NQO1: variants seen among roughly 807,000 people sequenced by gnomAD.
The protein encoded by NQO1 is NAD(P)H dehydrogenase [quinone] 1.
NQO1 carries 30 observed loss-of-function variants against 32.1 expected under a neutral mutation model. That is an observed-to-expected ratio of 0.94 (90% CI 0.70 to 1.27). The LOEUF (loss-of-function observed/expected upper bound fraction) is 1.27, where lower values mean the gene tolerates loss of function less well. Ranked by LOEUF, NQO1 falls within the 50% of genes most tolerant of loss-of-function variation. NQO1 has a pLI of 0.00. For missense variants in NQO1, 276 were observed against 331.3 expected, an observed-to-expected ratio of 0.83 and a Z score of 1.30; for synonymous variants, 109 against 119.7, an observed-to-expected ratio of 0.91 and a Z score of 0.59.
Position 69,709,850 on chromosome 16 carries a change from A to G in NQO1, c.*1126T>C, listed in dbSNP as rs1567628446. ...CCCCAAGGTCATGGGACTGGACCCCATCCCATAGTAAGTCATCAGTTTAGC... is the reference window on the plus strand; with the variant it reads ...CCCCAAGGTCATGGGACTGGACCCCGTCCCATAGTAAGTCATCAGTTTAGC... On this transcript the variant is annotated 3_prime_UTR_variant, in exon 6 of 6. Coordinates refer to ENST00000320623, the MANE Select transcript of NQO1 (RefSeq NM_000903.3). The G allele has an allele frequency of 1.3e-5, 5 of 398,498 alleles. No individual in the cohort carries two copies. The highest frequency in any genetic ancestry group is 2.1e-5 in the African/African-American group (1 of 48,636). 24.7% of individuals were successfully genotyped at this position (398,498 alleles called of 1,614,324 possible). A position where few individuals can be genotyped will look rare whatever the true frequency, so the allele number is the denominator to read the frequency against.
At chr16:69,723,030 CCA>C (rs2038213889) in intron 1 of NQO1, among the ~76,000 whole-genome samples, 1 of 152,138 alleles carries the variant, frequency 6.6e-6, no homozygotes, top group South Asian at 2.1e-4. Flanking sequence ...CAGGTTCACG[CCA>C]TTCTCCTGCC....
intron 1 of NQO1, among the ~76,000 whole-genome samples, chr16:69,724,753 A>C (rs1433599005): frequency 6.6e-6 from 1 of 152,152 alleles, no homozygotes; most frequent in African/African-American, 2.4e-5. Context: ...AGTTTCATGC[A>C]TTCTCCTTCT....
At chr16:69,721,679 G>A (rs2038193015) in intron 1 of NQO1, among the ~76,000 whole-genome samples, 2 of 151,860 alleles carry the variant, frequency 1.3e-5, no homozygotes, top group Admixed American at 1.3e-4. Flanking sequence ...TCATTAAGTG[G>A]TGAAGCTGGA....
Position 69,713,033 on chromosome 16 carries a change from T to C in NQO1, c.514A>G (p.Ile172Val), listed in dbSNP as rs150611603. ...HGDMNVILWP[I>V]QSGILHFCGF... ...AAGAAAAGAAAATGAGGTACCTGAATTGGCCAGAGAATGACATTCATGTCC... is the reference window on the plus strand; with the variant it reads ...AAGAAAAGAAAATGAGGTACCTGAACTGGCCAGAGAATGACATTCATGTCC... The change falls in exon 5 of 6, where the codon ATT becomes GTT. Residue 172 changes from isoleucine (I) to valine (V), a missense_variant. Ile to Val is a conservative substitution (Grantham distance 29). Coordinates refer to ENST00000320623, the MANE Select transcript of NQO1 (RefSeq NM_000903.3). The C allele has an allele frequency of 9.9e-6, 16 of 1,612,690 alleles. No individual in the cohort carries two copies. The African/African-American group carries it at 2.1e-4, about 22-fold the overall frequency.
rs779736691 is a variant in NQO1 at position 69,711,141 on chromosome 16, T to A, written c.660A>T (p.Pro220=). The change falls in exon 6 of 6, where the codon CCA becomes CCT. Residue 220 remains proline, a synonymous_variant. Transcript: ENST00000320623. ...AGAGGCTGCTTGGAGCAAAATACAG[T>A]GGTGTCTCATCCCAAATATTCTCCA... ...KRLENIWDET[P]LYFAPSSLFD... is the part of the protein sequence containing the mutation. 6.2e-7 allele frequency: 1 copy of A among 1,614,168 alleles called. No homozygotes were observed. Among genetic ancestry groups the A allele is most frequent in the Non-Finnish European group, 8.5e-7 (1 of 1,180,014 alleles).
At chr16:69,716,720 C>A (rs1050782736) in intron 3 of NQO1, among the ~76,000 whole-genome samples, 2 of 151,146 alleles carry the variant, frequency 1.3e-5, no homozygotes, top group Non-Finnish European at 3.0e-5. Context: ...GAGGTCCAGG[C>A]AGGCAGATCA....
At chr16:69,719,075 G>A (rs1032869706) in intron 1 of NQO1, among the ~76,000 whole-genome samples, 1 of 149,778 alleles carries the variant, frequency 6.7e-6, no homozygotes, top group African/African-American at 2.4e-5. Context: ...GTCAGGAAAA[G>A]CAAAATTAAA....
rs148363745 is a variant in NQO1 at position 69,709,540 on chromosome 16, G to A, written c.*1436C>T. 22 of 383,100 alleles carry A rather than the reference G, an allele frequency of 5.7e-5. No individual in the cohort carries two copies. In the East Asian group the frequency reaches 7.8e-4, roughly 14 times the overall value. 23.7% of individuals were successfully genotyped at this position (383,100 alleles called of 1,614,324 possible). ...TCAGCTATTGTGGATACTGTCGAGA[G>A]CAAAAACCACCAGTGCCAGTCAGCA... is the stretch of plus-strand genomic sequence containing the variant. On this transcript the variant is annotated 3_prime_UTR_variant, in exon 6 of 6. Coordinates refer to ENST00000320623, the MANE Select transcript of NQO1 (RefSeq NM_000903.3).
chr16:69,718,960 G>A (rs1351961856), intron 1 of NQO1, among the ~76,000 whole-genome samples: 2 of 151,842 alleles, frequency 1.3e-5, no homozygotes, highest in Admixed American at 6.6e-5. Flanking sequence ...ACTTGAACTC[G>A]GGAGGGGGAG....
At chr16:69,718,007 T>A in intron 3 of NQO1, 116 bp downstream of exon 3, 2 of 1,364,500 alleles carry the variant, frequency 1.5e-6, no homozygotes, top group Non-Finnish European at 2.0e-6. Flanking sequence ...TCACCCTTAT[T>A]TGCAGAGAAT....
intron 1 of NQO1, among the ~76,000 whole-genome samples, chr16:69,719,541 T>G (rs2038162189): frequency 6.6e-6 from 1 of 151,916 alleles, no homozygotes; most frequent in Non-Finnish European, 1.5e-5. Flanking sequence ...TTTGGGAGGC[T>G]GAGGCGGGCA....
intron 1 of NQO1, among the ~76,000 whole-genome samples, chr16:69,720,475 A>G (rs996899135): frequency 6.6e-6 from 1 of 151,986 alleles, no homozygotes; most frequent in African/African-American, 2.4e-5. Flanking sequence ...AATGACATAT[A>G]TTTGTATGTA....
In NQO1 at chr16:69,709,832, G is replaced by A. The variant is rs573566026; in HGVS notation, c.*1144C>T. The A allele has an allele frequency of 1.8e-5, 7 of 398,518 alleles. No homozygotes were observed. Among genetic ancestry groups the A allele is most frequent in the African/African-American group, 1.4e-4 (7 of 48,710 alleles). The allele number at this position is 398,518 out of a possible 1,614,324, so 24.7% of individuals were successfully genotyped here. On this transcript the variant is annotated 3_prime_UTR_variant, in exon 6 of 6. Coordinates refer to ENST00000320623, the MANE Select transcript of NQO1 (RefSeq NM_000903.3). Reference sequence around the variant, plus strand: ...TCTAGGTTTACAATTGTACCCCAAGGTCATGGGACTGGACCCCATCCCATA... The same window carrying A: ...TCTAGGTTTACAATTGTACCCCAAGATCATGGGACTGGACCCCATCCCATA...
rs2038144208 is a variant in NQO1 at position 69,718,399 on chromosome 16, T to C, written c.143A>G (p.Asn48Ser). 5 of 1,614,070 alleles carry C rather than the reference T, an allele frequency of 3.1e-6. No homozygotes were observed. The highest frequency in any genetic ancestry group is 2.7e-5 in the African/African-American group (2 of 74,930). ...GATGTCCTTTCTGGAAATGATGGGA[T>C]TGAAGTTCATGGCATAGAGGTCCGA... ...VESDLYAMNF[N>S]PIISRKDITG... The change falls in exon 2 of 6, where the codon AAT (asparagine) becomes AGT (serine). Residue 48 changes from asparagine to serine, a missense_variant. By Grantham distance (46) the Asn-to-Ser change is conservative (BLOSUM62 1). Transcript: ENST00000320623.
At chr16:69,722,896 T>C (rs999340920) in intron 1 of NQO1, among the ~76,000 whole-genome samples, 2 of 152,188 alleles carry the variant, frequency 1.3e-5, no homozygotes, top group Non-Finnish European at 1.5e-5. Flanking sequence ...ATTAGTCTTA[T>C]CAATGTTTAC....
At chr16:69,713,256 T>C (rs2038065044) in intron 4 of NQO1, 127 bp from the exon 5 acceptor site, 1 of 718,594 alleles carries the variant, frequency 1.4e-6, no homozygotes. Flanking sequence ...TATTACTTCA[T>C]ACTTTGGCTC....
chr16:69,711,630 T>C (rs999717135), intron 5 of NQO1, among the ~76,000 whole-genome samples: 1 of 151,686 alleles, frequency 6.6e-6, no homozygotes, highest in Non-Finnish European at 1.5e-5. Context: ...TCCATATAAC[T>C]AGATGAGTCC....
chr16:69,712,945 A>G (rs952980498), intron 5 of NQO1, 83 bp downstream of exon 5: 2 of 1,132,320 alleles, frequency 1.8e-6, no homozygotes, highest in Admixed American at 1.9e-5. Context: ...GTGAACTAAG[A>G]TGGTGTCACT....
At chr16:69,722,587 T>G (rs1180596209) in intron 1 of NQO1, among the ~76,000 whole-genome samples, 2 of 152,248 alleles carry the variant, frequency 1.3e-5, no homozygotes, top group Non-Finnish European at 2.9e-5. Flanking sequence ...CAAGTGCCTC[T>G]TGGGCTAAAT....
Sources: gnomAD v4.1 joint callset for allele counts (sites outside exome capture counted in the v4.1 genomes callset) on GRCh38, gnomAD v4.1.1 for gene constraint, MANE v1.5 for transcripts, NCBI Gene and HGNC (gene_info 2026-07-23, HGNC 2026-07-21) for gene names.